Variants in PTPRD observed in about 807,000 individuals in gnomAD.
PTPRD encodes receptor-type tyrosine-protein phosphatase delta.
A neutral mutation model predicts 214.5 loss-of-function variants in PTPRD; 34 were observed. The ratio of observed to expected loss-of-function variants is 0.16; its 90% confidence interval spans 0.12 to 0.21. The LOEUF (loss-of-function observed/expected upper bound fraction) is 0.21. Ranked by LOEUF, PTPRD falls within the 10% of genes least tolerant of loss-of-function variation. The probability of loss-of-function intolerance (pLI) is 1.00; values close to 1 mark genes in which losing one functional copy is unlikely to be tolerated. For synonymous variants in PTPRD, 1,128 were observed against 845.7 expected, an observed-to-expected ratio of 1.33 and a Z score of -5.79; for missense variants, 2,545 against 2,398.7, an observed-to-expected ratio of 1.06 and a Z score of -1.27.
At chr9:10,357,403 T>C (rs2154463987) in intron 2 of PTPRD, among the ~76,000 whole-genome samples, 1 of 152,326 alleles carries the variant, frequency 6.6e-6, no homozygotes, top group Middle Eastern at 3.4e-3. Flanking sequence ...GTTCAATGCC[T>C]TGATTTCAGG....
chr9:9,667,346 C>G (rs941461695), intron 7 of PTPRD, among the ~76,000 whole-genome samples: 2 of 152,008 alleles, frequency 1.3e-5, no homozygotes, highest in Non-Finnish European at 2.9e-5. Context: ...CACTTTCCAA[C>G]TAGATGTTTT....
chr9:9,943,061 G>C (rs1379353145), intron 4 of PTPRD, among the ~76,000 whole-genome samples: 1 of 152,130 alleles, frequency 6.6e-6, no homozygotes, highest in Non-Finnish European at 1.5e-5. Flanking sequence ...ATAGCTGGAT[G>C]TCAGTCTTAC....
chr9:8,421,501 G>C (rs537012145), intron 35 of PTPRD, among the ~76,000 whole-genome samples: 1 of 151,984 alleles, frequency 6.6e-6, no homozygotes, highest in Non-Finnish European at 1.5e-5. Flanking sequence ...AATAGCAGAA[G>C]ACACAAAAGT....
intron 7 of PTPRD, among the ~76,000 whole-genome samples, chr9:9,613,079 A>T (rs958397461): frequency 8.0e-6 from 1 of 125,772 alleles, no homozygotes; most frequent in Admixed American, 8.6e-5. Context: ...CATGATGCTG[A>T]TGCTGCTGGT....
chr9:9,409,660 A>G, intron 8 of PTPRD, among the ~76,000 whole-genome samples: 1 of 152,050 alleles, frequency 6.6e-6, no homozygotes, highest in East Asian at 1.9e-4. Context: ...ATAAGGGAGA[A>G]TCAGTAACTA....
At chr9:8,605,288 A>G (rs1388344941) in intron 14 of PTPRD, among the ~76,000 whole-genome samples, 1 of 152,204 alleles carries the variant, frequency 6.6e-6, no homozygotes, top group Non-Finnish European at 1.5e-5. Flanking sequence ...TGCTAAGCAT[A>G]ATTGGACTTA....
intron 5 of PTPRD, among the ~76,000 whole-genome samples, chr9:9,851,619 A>T (rs1310646796): frequency 6.6e-6 from 1 of 152,174 alleles, no homozygotes; most frequent in Non-Finnish European, 1.5e-5. Context: ...ATTCATTTAT[A>T]ATTTCACTGG....
intron 5 of PTPRD, among the ~76,000 whole-genome samples, chr9:9,881,736 A>G (rs1565977704): frequency 1.3e-5 from 2 of 152,158 alleles, no homozygotes; most frequent in Admixed American, 6.5e-5. Flanking sequence ...GTGACCTTCC[A>G]GGGTTCTGCA....
At chr9:10,249,297 T>G (rs1270106354) in intron 3 of PTPRD, among the ~76,000 whole-genome samples, 11 of 152,296 alleles carry the variant, frequency 7.2e-5, no homozygotes, top group Admixed American at 7.2e-4. Flanking sequence ...GTGGTCAGCA[T>G]GCTCTCCATA....
At chr9:10,211,812 GA>G (rs1340161376) in intron 3 of PTPRD, among the ~76,000 whole-genome samples, 1 of 152,102 alleles carries the variant, frequency 6.6e-6, no homozygotes, top group African/African-American at 2.4e-5. Context: ...AAGAAGAAGA[GA>G]GGGGGGTGAG....
intron 3 of PTPRD, among the ~76,000 whole-genome samples, chr9:10,165,563 T>C (rs148826796): frequency 1.3e-5 from 2 of 151,750 alleles, no homozygotes; most frequent in Non-Finnish European, 3.0e-5. Context: ...TAGTAAAATG[T>C]TTTGTTTAGT....
chr9:9,262,084 T>C (rs2132188273), intron 9 of PTPRD, among the ~76,000 whole-genome samples: 1 of 151,794 alleles, frequency 6.6e-6, no homozygotes, highest in East Asian at 2.0e-4. Context: ...ACTGGCAAGA[T>C]ATATACTGGG....
At chr9:9,005,616 A>T (rs192583647) in intron 11 of PTPRD, among the ~76,000 whole-genome samples, 1 of 152,036 alleles carries the variant, frequency 6.6e-6, no homozygotes, top group Non-Finnish European at 1.5e-5. Flanking sequence ...GTATAAGAAG[A>T]CTAAAATTCT....
intron 5 of PTPRD, among the ~76,000 whole-genome samples, chr9:9,828,318 G>A (rs1375137834): frequency 6.6e-6 from 1 of 152,140 alleles, no homozygotes; most frequent in African/African-American, 2.4e-5. Flanking sequence ...GGAATACTAT[G>A]CAGCCATAAA....
At chr9:9,537,986 C>T (rs1218562692) in intron 8 of PTPRD, among the ~76,000 whole-genome samples, 1 of 151,760 alleles carries the variant, frequency 6.6e-6, no homozygotes, top group African/African-American at 2.4e-5. Context: ...CATATTTTTA[C>T]AATCTCCCCT....
At chr9:9,818,839 C>A (rs1025529199) in intron 5 of PTPRD, among the ~76,000 whole-genome samples, 2 of 142,642 alleles carry the variant, frequency 1.4e-5, no homozygotes, top group African/African-American at 5.3e-5. Context: ...TTGCTTGAAA[C>A]TGGGAGGTAG....
chr9:10,611,327 A>T (rs2080913431), intron 2 of PTPRD, among the ~76,000 whole-genome samples: 1 of 152,210 alleles, frequency 6.6e-6, no homozygotes, highest in African/African-American at 2.4e-5. Context: ...ATGCAAGAAG[A>T]ATTAGATTCA....
intron 32 of PTPRD, among the ~76,000 whole-genome samples, chr9:8,463,533 C>T (rs149153288): frequency 6.6e-6 from 1 of 151,794 alleles, no homozygotes; most frequent in Non-Finnish European, 1.5e-5. Context: ...AGATAATAAT[C>T]ACGGTCCATT....
In PTPRD at chr9:10,170,557, G is replaced by A. The variant is rs951345473; in HGVS notation, c.-544-136767C>T. 2.0e-5 allele frequency among the ~76,000 whole-genome samples: 3 copies of A among 152,000 alleles called. No homozygotes were observed. In the East Asian group the frequency reaches 5.8e-4, roughly 30 times the overall value. ...AAAAAATTAACCAGGCGTGGTGGCAGGCGCCTGTAGTCCCAGCTACTCTGG... is the reference window on the plus strand; with the variant it reads ...AAAAAATTAACCAGGCGTGGTGGCAAGCGCCTGTAGTCCCAGCTACTCTGG... On this transcript the variant is annotated intron_variant, in intron 3 of 45. Coordinates refer to ENST00000381196, the MANE Select transcript of PTPRD (RefSeq NM_002839.4).
Sources: allele counts gnomAD v4.1 joint callset (sites outside exome capture counted in the v4.1 genomes callset), GRCh38; gene constraint gnomAD v4.1.1; transcripts MANE v1.5; gene names NCBI Gene and HGNC (gene_info 2026-07-23, HGNC 2026-07-21).